Variants in ASB4 observed in about 807,000 individuals in gnomAD.
ASB4 encodes the protein ankyrin repeat and SOCS box containing 4.
A neutral mutation model predicts 38.6 loss-of-function variants in ASB4; 35 were observed. The ratio of observed to expected loss-of-function variants is 0.91; its 90% CI spans 0.69 to 1.20. The LOEUF is 1.20. ASB4 is among the 50% of genes most tolerant of loss of function. The probability of loss-of-function intolerance (pLI) is 0.00; values close to 1 mark genes in which losing one functional copy is unlikely to be tolerated. For synonymous variants in ASB4, 195 were observed against 201.3 expected (o/e 0.97, Z 0.26); for missense variants, 557 against 527.2 (o/e 1.06, Z -0.55).
At chr7:95,519,745 T>A (rs1310372174) in intron 2 of ASB4, among the ~76,000 whole-genome samples, 1 of 152,210 alleles carries the variant, frequency 6.6e-6, no homozygotes, top group African/African-American at 2.4e-5. Context: ...AAGAAAAGTG[T>A]AATTTTTTAA....
intron 2 of ASB4, among the ~76,000 whole-genome samples, chr7:95,500,424 C>T (rs1296472098): frequency 6.6e-6 from 1 of 151,572 alleles, no homozygotes; most frequent in Non-Finnish European, 1.5e-5. Context: ...ATAAATTAAC[C>T]AGGCATGGTG....
chr7:95,524,859 GT>G (rs1790715993), intron 2 of ASB4, among the ~76,000 whole-genome samples: 1 of 152,250 alleles, frequency 6.6e-6, no homozygotes, highest in South Asian at 2.1e-4. Flanking sequence ...GCCGTTTGCA[GT>G]GGGGAGCAGC....
At chr7:95,488,164 A>C (rs1385797764) in intron 1 of ASB4, among the ~76,000 whole-genome samples, 1 of 152,172 alleles carries the variant, frequency 6.6e-6, no homozygotes, top group Non-Finnish European at 1.5e-5. Flanking sequence ...ACACGGTGAA[A>C]CCCCATTTCT....
At chr7:95,523,356 G>A (rs1790689158) in intron 2 of ASB4, among the ~76,000 whole-genome samples, 1 of 152,108 alleles carries the variant, frequency 6.6e-6, no homozygotes, top group Non-Finnish European at 1.5e-5. Context: ...TTGATGAAGA[G>A]CTCATAAAAG....
chr7:95,509,123 T>C (rs1790448017), intron 2 of ASB4, among the ~76,000 whole-genome samples: 1 of 151,986 alleles, frequency 6.6e-6, no homozygotes, highest in Non-Finnish European at 1.5e-5. Context: ...ATTTTTGAGG[T>C]GAGGAGTAAT....
chr7:95,496,121 G>T, intron 2 of ASB4, 64 bp downstream of exon 2: 1 of 1,460,310 alleles, frequency 6.8e-7, no homozygotes. Flanking sequence ...AAGACTTTGT[G>T]ACCCCTACCT....
chr7:95,473,848 G>A (rs1439717900), upstream of ASB4: 1 of 152,152 alleles, frequency 6.6e-6, no homozygotes. Flanking sequence ...CGAATGGTGT[G>A]GAAAATGAGA....
At chr7:95,547,547 G>A in the ASB4 span, among the ~76,000 whole-genome samples, 15 of 152,234 alleles carry the variant, frequency 9.9e-5, no homozygotes, top group South Asian at 4.1e-4. Context: ...TTCTCCTAGC[G>A]ATGAAGATTT....
chr7:95,547,052 T>G, the ASB4 span, among the ~76,000 whole-genome samples: 3 of 152,232 alleles, frequency 2.0e-5, no homozygotes, highest in Non-Finnish European at 2.9e-5. Flanking sequence ...TATACTATGT[T>G]GTAAATGCCT....
chr7:95,500,031 C>T (rs544468638), intron 2 of ASB4, among the ~76,000 whole-genome samples: 45 of 151,650 alleles, frequency 3.0e-4, no homozygotes, highest in Admixed American at 1.8e-3. Context: ...TTTTAAGAAG[C>T]GGGACAAAGT....
intron 3 of ASB4, among the ~76,000 whole-genome samples, chr7:95,531,431 A>G (rs933834226): frequency 6.6e-6 from 1 of 152,218 alleles, no homozygotes; most frequent in Non-Finnish European, 1.5e-5. Context: ...GACACAGGGC[A>G]TGAAGGTGCC....
At chr7:95,515,167 C>CTCTTTCTT (rs71127411) in intron 2 of ASB4, among the ~76,000 whole-genome samples, 2,395 of 89,548 alleles carry the variant, frequency 0.027, 103 homozygotes, top group East Asian at 0.055. Context: ...CTTTCTCTTT[C>CTCTTTCTT]TCTTTCTTTC....
rs1790948389 is a variant in ASB4, at chr7:95,539,994, G to T, written c.*2235G>T. The T allele has an allele frequency of 6.6e-6, 1 of 152,204 alleles. No individual in the cohort carries two copies. The highest frequency in any genetic ancestry group is 2.1e-4 in the South Asian group (1 of 4,834). 9.4% of individuals were successfully genotyped at this position (152,204 alleles called of 1,614,324 possible). On this transcript the variant is annotated 3_prime_UTR_variant, in exon 5 of 5. Transcript: ENST00000325885. Reference sequence around the variant, plus strand: ...GGCGTATTCTAGCAGCAAAGCTTGTGATGCACTGACTTGGGGCAAGTAAAA... The same window carrying T: ...GGCGTATTCTAGCAGCAAAGCTTGTTATGCACTGACTTGGGGCAAGTAAAA...
intron 2 of ASB4, among the ~76,000 whole-genome samples, chr7:95,518,640 T>A (rs537825775): frequency 6.6e-6 from 1 of 152,248 alleles, no homozygotes; most frequent in Non-Finnish European, 1.5e-5. Context: ...TAGATAAGGG[T>A]AAGATAGAGA....
the ASB4 span, among the ~76,000 whole-genome samples, chr7:95,550,001 A>G: frequency 3.9e-5 from 6 of 152,218 alleles, no homozygotes; most frequent in Non-Finnish European, 7.3e-5. Flanking sequence ...CTCACTGGGC[A>G]AAACAGGTGC....
chr7:95,530,585 G>A (rs1790807525), intron 3 of ASB4, among the ~76,000 whole-genome samples: 1 of 152,148 alleles, frequency 6.6e-6, no homozygotes, highest in African/African-American at 2.4e-5. Context: ...AGAGGGCTAA[G>A]CATGTTTGAG....
intron 2 of ASB4, among the ~76,000 whole-genome samples, chr7:95,518,928 A>G (rs914015678): frequency 8.5e-5 from 13 of 152,204 alleles, no homozygotes; most frequent in Non-Finnish European, 1.3e-4. Context: ...TAGTAAGATT[A>G]TAGATAAGAA....
chr7:95,550,455 A>G, the ASB4 span, among the ~76,000 whole-genome samples: 2 of 152,196 alleles, frequency 1.3e-5, no homozygotes, highest in African/African-American at 2.4e-5. Context: ...GGAAGGGGAC[A>G]CTGTGTGGTG....
chr7:95,541,106 G>A (rs77738597), downstream of ASB4, among the ~76,000 whole-genome samples: 1,162 of 152,276 alleles, frequency 7.6e-3, 11 homozygotes, highest in African/African-American at 0.027. Context: ...TAAAGTAGAT[G>A]CATTACAGTT....
Sources: allele counts gnomAD v4.1 joint callset (sites outside exome capture counted in the v4.1 genomes callset), GRCh38; gene constraint gnomAD v4.1.1; transcripts MANE v1.5; gene names NCBI Gene and HGNC (gene_info 2026-07-23, HGNC 2026-07-21).